Variants in SPOCK1 observed in about 807,000 individuals in gnomAD.
SPOCK1 encodes SPARC (osteonectin), cwcv and kazal like domains proteoglycan 1, also known as testican-1.
In SPOCK1, 23 loss-of-function variants were observed where a neutral mutation model predicts 55.3. That is an observed-to-expected ratio of 0.42 (90% CI 0.30 to 0.59). The LOEUF (loss-of-function observed/expected upper bound fraction) is 0.59, where lower values mean the gene tolerates loss of function less well. Ranked by LOEUF, SPOCK1 falls within the 20% of genes least tolerant of loss-of-function variation. The probability of loss-of-function intolerance (pLI) is 0.22; values close to 1 mark genes in which losing one functional copy is unlikely to be tolerated. For missense variants in SPOCK1, 499 were observed against 552.5 expected (o/e 0.90, Z 0.97); for synonymous variants, 226 against 221.0 (o/e 1.02, Z -0.20).
chr5:137,492,328 A>G (rs552790973), intron 2 of SPOCK1, among the ~76,000 whole-genome samples: 2 of 152,330 alleles, frequency 1.3e-5, no homozygotes, highest in African/African-American at 2.4e-5. Flanking sequence ...TATCGAGAAC[A>G]TGAAAACTAT....
At chr5:137,133,377 A>G (rs1753919908) in intron 4 of SPOCK1, among the ~76,000 whole-genome samples, 1 of 151,992 alleles carries the variant, frequency 6.6e-6, no homozygotes, top group South Asian at 2.1e-4. Context: ...CTCAAAAAAA[A>G]AAAAAAAAAT....
At chr5:137,174,897 A>T (rs1754825421) in intron 3 of SPOCK1, among the ~76,000 whole-genome samples, 1 of 152,132 alleles carries the variant, frequency 6.6e-6, no homozygotes, top group Non-Finnish European at 1.5e-5. Flanking sequence ...TGCCCCATGG[A>T]GCACCCCTCA....
intron 2 of SPOCK1, among the ~76,000 whole-genome samples, chr5:137,383,064 T>C (rs756175475): frequency 1.6e-4 from 25 of 152,122 alleles, no homozygotes; most frequent in Non-Finnish European, 3.1e-4. Flanking sequence ...GGTAAGGGCG[T>C]GGCCTTTGGA....
chr5:137,205,358 C>T (rs1222262453), intron 3 of SPOCK1, among the ~76,000 whole-genome samples: 1 of 152,226 alleles, frequency 6.6e-6, no homozygotes, highest in Non-Finnish European at 1.5e-5. Context: ...CTCTAAAGAG[C>T]TGTGTGCCCT....
At chr5:137,069,946 C>T (rs1752580362) in intron 5 of SPOCK1, among the ~76,000 whole-genome samples, 1 of 152,216 alleles carries the variant, frequency 6.6e-6, no homozygotes, top group Non-Finnish European at 1.5e-5. Flanking sequence ...CCCTCTCCAA[C>T]CCATTCTCTT....
chr5:136,979,380 A>G lies in SPOCK1; in HGVS notation c.1081T>C (p.Tyr361His). The change falls in exon 10 of 11, where the codon TAT becomes CAT. Residue 361 changes from tyrosine (Y) to histidine (H), a missense_variant. By Grantham distance (83) the Tyr-to-His change is moderately conservative (BLOSUM62 2). Transcript: ENST00000394945. Reference sequence around the variant, plus strand: ...CTGGAGCCAGCCAACTCATTCCCATATTTGTCCACACACCAGCACTGCCCC... The same window carrying G: ...CTGGAGCCAGCCAACTCATTCCCATGTTTGTCCACACACCAGCACTGCCCC... ...STGQCWCVDK[Y>H]GNELAGSRKQ... The G allele has an allele frequency of 6.2e-7, 1 of 1,613,980 alleles. No homozygotes were observed. The highest frequency in any genetic ancestry group is 8.5e-7 in the Non-Finnish European group (1 of 1,179,982).
intron 6 of SPOCK1, among the ~76,000 whole-genome samples, chr5:137,056,709 C>A (rs1184882134): frequency 1.3e-5 from 2 of 151,940 alleles, no homozygotes; most frequent in African/African-American, 4.8e-5. Flanking sequence ...TGGTTGACAG[C>A]CTCACTCCAC....
At position 137,494,364 on chromosome 5, in the gene SPOCK1, C is replaced by T. The variant is rs144554357; in HGVS notation, c.186+4009G>A. Among the ~76,000 whole-genome samples, 560 of 152,236 alleles carry T rather than the reference C, an allele frequency of 3.7e-3. 6 individuals carry two copies. Among genetic ancestry groups the T allele is most frequent in the African/African-American group, 0.012 (518 of 41,538 alleles). ...GCTTGCACCCCAAATCCACTCAGCC[C>T]CTGATTGGCTGTGGTACAGAGGGAG... On this transcript the variant is annotated intron_variant, in intron 2 of 10. Transcript: ENST00000394945.
At chr5:137,132,388 T>C (rs1753903031) in intron 4 of SPOCK1, among the ~76,000 whole-genome samples, 1 of 152,078 alleles carries the variant, frequency 6.6e-6, no homozygotes, top group Non-Finnish European at 1.5e-5. Flanking sequence ...CTATTCAAAA[T>C]AGGCACACCT....
intron 2 of SPOCK1, among the ~76,000 whole-genome samples, chr5:137,280,740 G>C (rs1757153768): frequency 1.3e-5 from 2 of 152,172 alleles, no homozygotes; most frequent in Non-Finnish European, 2.9e-5. Flanking sequence ...GCAAGTCGAA[G>C]ACTCTAGGGG....
intron 6 of SPOCK1, among the ~76,000 whole-genome samples, chr5:137,007,318 G>T (rs576565930): frequency 1.3e-5 from 2 of 151,712 alleles, no homozygotes; most frequent in South Asian, 4.1e-4. Flanking sequence ...AAGAGCTTCT[G>T]CTCAGCAAAG....
intron 2 of SPOCK1, among the ~76,000 whole-genome samples, chr5:137,441,752 C>T (rs1018851618): frequency 5.3e-5 from 8 of 152,168 alleles, no homozygotes; most frequent in African/African-American, 1.7e-4. Flanking sequence ...CAGACCCACT[C>T]TGGTAACAAA....
chr5:137,375,969 G>C (rs1415164012), intron 2 of SPOCK1, among the ~76,000 whole-genome samples: 1 of 152,150 alleles, frequency 6.6e-6, no homozygotes, highest in African/African-American at 2.4e-5. Context: ...GCGCCTAGGA[G>C]CATCAGGCCT....
chr5:136,997,101 T>C (rs934642514), intron 6 of SPOCK1, among the ~76,000 whole-genome samples: 1 of 152,190 alleles, frequency 6.6e-6, no homozygotes, highest in African/African-American at 2.4e-5. Flanking sequence ...CTACTGTTTC[T>C]ACACGTTATG....
chr5:137,433,737 T>G (rs1452070014), intron 2 of SPOCK1, among the ~76,000 whole-genome samples: 1 of 152,172 alleles, frequency 6.6e-6, no homozygotes, highest in African/African-American at 2.4e-5. Flanking sequence ...GAACAAAGCT[T>G]CCCTTCCAAA....
chr5:137,309,100 A>G (rs964284491), intron 2 of SPOCK1, among the ~76,000 whole-genome samples: 1 of 152,222 alleles, frequency 6.6e-6, no homozygotes, highest in African/African-American at 2.4e-5. Context: ...CAGAACAAAA[A>G]AAAATTTCCC....
At chr5:137,010,422 G>A (rs923077556) in intron 6 of SPOCK1, among the ~76,000 whole-genome samples, 2 of 151,892 alleles carry the variant, frequency 1.3e-5, no homozygotes, top group South Asian at 2.1e-4. Context: ...ATGGACTTGC[G>A]AGGAAGGGAG....
chr5:137,383,813 T>C (rs995945213), intron 2 of SPOCK1, among the ~76,000 whole-genome samples: 17 of 152,234 alleles, frequency 1.1e-4, no homozygotes, highest in African/African-American at 3.9e-4. Flanking sequence ...CATTGGAGTC[T>C]ATTCCACCTC....
intron 2 of SPOCK1, among the ~76,000 whole-genome samples, chr5:137,331,644 GC>G (rs1758185554): frequency 6.6e-6 from 1 of 152,146 alleles, no homozygotes; most frequent in African/African-American, 2.4e-5. Flanking sequence ...GAGAGGGGAA[GC>G]AAGACAGAAA....
Sources: gnomAD v4.1 joint callset for allele counts (sites outside exome capture counted in the v4.1 genomes callset) on GRCh38, gnomAD v4.1.1 for gene constraint, MANE v1.5 for transcripts, NCBI Gene and HGNC (gene_info 2026-07-23, HGNC 2026-07-21) for gene names.